Variants in NRSN1 observed in about 807,000 individuals in gnomAD.
The protein encoded by NRSN1 is neurensin 1.
NRSN1 carries 14 observed loss-of-function variants against 17.3 expected under a neutral mutation model. The observed-to-expected ratio is 0.81, with a 90% CI of 0.54 to 1.27. The LOEUF (loss-of-function observed/expected upper bound fraction) is 1.27. Ranked by LOEUF, NRSN1 falls within the 50% of genes most tolerant of loss-of-function variation. NRSN1 has a pLI of 0.00. For missense variants in NRSN1, 209 were observed against 235.9 expected (o/e 0.89, Z 0.75); for synonymous variants, 79 against 94.2 (o/e 0.84, Z 0.93).
rs544952229 is a variant in NRSN1, at chr6:24,140,916, T to C, written c.190-4632T>C. 1.2e-5 allele frequency: 15 copies of C among 1,302,910 alleles called. No homozygotes were observed. The East Asian group carries it at 4.6e-4, about 40-fold the overall frequency. The allele number at this position is 1,302,910 out of a possible 1,614,324, so 80.7% of individuals were successfully genotyped here. On this transcript the variant is annotated intron_variant, in intron 3 of 3. Coordinates refer to ENST00000378491, the MANE Select transcript of NRSN1 (RefSeq NM_080723.5). ...TTCTCTTTCCTTTCCAATTTTCCTT[T>C]CCAGCAGCAGGAACTGGGTTTTCAC...
chr6:24,134,443 C>T lies in NRSN1; in HGVS notation c.116C>T (p.Ala39Val). Reference protein sequence around the residue: ...YLHQFYEDCTASIWEYEDDFQ... With the variant: ...YLHQFYEDCTVSIWEYEDDFQ... Reference sequence around the variant, plus strand: ...CACCAGTTTTATGAGGACTGTACAGCCTCAATTTGGGAGTATGAGGATGAT... The same window carrying T: ...CACCAGTTTTATGAGGACTGTACAGTCTCAATTTGGGAGTATGAGGATGAT... The change falls in exon 3 of 4, where the codon GCC (alanine) becomes GTC (valine). Residue 39 changes from alanine (A) to valine (V), a missense_variant. Coordinates refer to ENST00000378491, the MANE Select transcript of NRSN1 (RefSeq NM_080723.5). 1 of 1,613,876 alleles carries T rather than the reference C, an allele frequency of 6.2e-7. No individual in the cohort carries two copies. Among genetic ancestry groups the T allele is most frequent in the Non-Finnish European group, 8.5e-7 (1 of 1,179,824 alleles).
At position 24,145,769 on chromosome 6, in the gene NRSN1, G is replaced by C. The variant is rs768502112; in HGVS notation, c.411G>C (p.Ser137=). Residue 137 remains serine (S), a synonymous_variant, in exon 4 of 4, where the codon TCG becomes TCC. Transcript: ENST00000378491. The surrounding 1 kb of genome is among the most constrained non-coding windows in gnomAD (Gnocchi z 4.4). ...CCATGGCAGGGTGCCTGCTGATGTC[G>C]GTGTTTGTAAAGAGCTACTCCAAAG... ...GTSMAGCLLM[S]VFVKSYSKEE... is the part of the protein sequence containing the mutation. 1 of 1,614,150 alleles carries C rather than the reference G, an allele frequency of 6.2e-7. No individual in the cohort carries two copies. The highest frequency in any genetic ancestry group is 1.3e-5 in the African/African-American group (1 of 75,038).
At chr6:24,140,864 C>G (rs1760192446) in intron 3 of NRSN1, 1 of 1,293,588 alleles carries the variant, frequency 7.7e-7, no homozygotes, top group Non-Finnish European at 9.9e-7. Context: ...TAGCCCCCAC[C>G]AGCAGAATTT....
At chr6:24,131,544 GTTAA>G (rs924396785) in intron 2 of NRSN1, among the ~76,000 whole-genome samples, 5 of 152,106 alleles carry the variant, frequency 3.3e-5, no homozygotes, top group Admixed American at 6.5e-5. Context: ...TGCTTCTTGT[GTTAA>G]TTGTCATCTT....
At chr6:24,132,307 AAACT>A (rs1415778740) in intron 2 of NRSN1, among the ~76,000 whole-genome samples, 4 of 152,200 alleles carry the variant, frequency 2.6e-5, no homozygotes, top group Admixed American at 2.6e-4. Context: ...CTATCCAATC[AAACT>A]AACTGGCCAC....
At position 24,145,210 on chromosome 6, in the gene NRSN1, G is replaced by T; in HGVS notation, c.190-338G>T. 7.0e-6 allele frequency among the ~76,000 whole-genome samples: 1 copy of T among 142,010 alleles called. No homozygotes were observed. The highest frequency in any genetic ancestry group is 1.5e-5 in the Non-Finnish European group (1 of 65,912). The allele number at this position is 142,010 out of a possible 152,430, so 93.2% of individuals were successfully genotyped here. On this transcript the variant is annotated intron_variant, in intron 3 of 3. Transcript: ENST00000378491. This position sits in a 1 kb window ranked among gnomAD's most constrained non-coding sequence, Gnocchi z 4.4. ...TTTAGCTATATATAATATATCTTTA[G>T]ATAATATAAAGATTATATATATCTT... is the stretch of plus-strand genomic sequence containing the variant.
chr6:24,139,820 G>T (rs2113715835), intron 3 of NRSN1, among the ~76,000 whole-genome samples: 1 of 152,358 alleles, frequency 6.6e-6, no homozygotes, highest in Middle Eastern at 3.4e-3. Flanking sequence ...GGACTCAGGA[G>T]CCTGAGGAGG....
chr6:24,127,294 A>G (rs1331116222), intron 1 of NRSN1, among the ~76,000 whole-genome samples: 3 of 152,186 alleles, frequency 2.0e-5, no homozygotes, highest in Non-Finnish European at 4.4e-5. Context: ...ATGGGTCTTG[A>G]CGATTTGGCT....
intron 3 of NRSN1, among the ~76,000 whole-genome samples, chr6:24,138,103 G>A (rs906709373): frequency 6.6e-6 from 1 of 152,256 alleles, no homozygotes; most frequent in Non-Finnish European, 1.5e-5. Flanking sequence ...ATTTCAGCTT[G>A]AATACAGTGA....
rs1435173624 is a variant in NRSN1 at position 24,145,233 on chromosome 6, C to A, written c.190-315C>A. Among the ~76,000 whole-genome samples, 4 of 143,688 alleles carry A rather than the reference C, an allele frequency of 2.8e-5. No homozygotes were observed. Among genetic ancestry groups the A allele is most frequent in the Admixed American group, 7.0e-5 (1 of 14,200 alleles). The allele number at this position is 143,688 out of a possible 152,430, so 94.3% of individuals were successfully genotyped here. ...TAGATAATATAAAGATTATATATAT[C>A]TTTAGATAATATAAAGATTATATAT... On this transcript the variant is annotated intron_variant, in intron 3 of 3. Coordinates refer to ENST00000378491, the MANE Select transcript of NRSN1 (RefSeq NM_080723.5). The surrounding 1 kb of genome is among the most constrained non-coding windows in gnomAD (Gnocchi z 4.4).
At chr6:24,129,409 A>C (rs1446552112) in intron 2 of NRSN1, 3 of 152,354 alleles carry the variant, frequency 2.0e-5, no homozygotes, top group Admixed American at 2.0e-4. Flanking sequence ...ACTCTGCAGG[A>C]AGTTTCAAAG....
chr6:24,140,311 C>T (rs908141458), intron 3 of NRSN1, among the ~76,000 whole-genome samples: 4 of 152,182 alleles, frequency 2.6e-5, no homozygotes, highest in African/African-American at 2.4e-5. Context: ...TGTGTTTATG[C>T]GCTGGAAGAA....
intron 3 of NRSN1, among the ~76,000 whole-genome samples, chr6:24,135,314 G>T (rs1424726263): frequency 6.6e-6 from 1 of 152,192 alleles, no homozygotes. Flanking sequence ...ATACCAGGAT[G>T]AGTTGAGGGA....
At chr6:24,142,191 C>CCTT (rs1554140616) in intron 3 of NRSN1, among the ~76,000 whole-genome samples, 1 of 44,446 alleles carries the variant, frequency 2.2e-5, no homozygotes, top group Non-Finnish European at 4.2e-5. Context: ...TACAGAACAG[C>CCTT]TTTTTTTTTT....
intron 2 of NRSN1, among the ~76,000 whole-genome samples, chr6:24,130,214 G>C (rs906964274): frequency 3.3e-5 from 5 of 152,144 alleles, no homozygotes; most frequent in East Asian, 3.8e-4. Context: ...ATGAAACCTT[G>C]ATCTTTAAGT....
chr6:24,140,430 C>A (rs1177114299), intron 3 of NRSN1, among the ~76,000 whole-genome samples: 1 of 152,192 alleles, frequency 6.6e-6, no homozygotes, highest in Non-Finnish European at 1.5e-5. Flanking sequence ...CGCCAGGCAT[C>A]GGTTCTTGCT....
Position 24,145,716 on chromosome 6 carries a change from G to T in NRSN1, c.358G>T (p.Ala120Ser). 1 of 1,614,216 alleles carries T rather than the reference G, an allele frequency of 6.2e-7. No homozygotes were observed. The highest frequency in any genetic ancestry group is 8.5e-7 in the Non-Finnish European group (1 of 1,180,022). Residue 120 changes from alanine (A) to serine (S), a missense_variant, in exon 4 of 4, where the codon GCT (alanine) becomes TCT (serine). Physicochemically the swap from Ala to Ser is moderately conservative, Grantham distance 99. Transcript: ENST00000378491. The surrounding 1 kb of genome is among the most constrained non-coding windows in gnomAD (Gnocchi z 4.4). ...SALDMYKLAG[A>S]VLFCIGGTSM... Reference sequence around the variant, plus strand: ...TCTGGACATGTACAAGCTGGCAGGAGCTGTTCTCTTCTGCATTGGAGGCAC... The same window carrying T: ...TCTGGACATGTACAAGCTGGCAGGATCTGTTCTCTTCTGCATTGGAGGCAC...
intron 2 of NRSN1, among the ~76,000 whole-genome samples, chr6:24,134,022 G>GTGTGTC (rs1760075885): frequency 6.6e-6 from 1 of 151,316 alleles, no homozygotes; most frequent in African/African-American, 2.4e-5. Flanking sequence ...GTGTGTGTGT[G>GTGTGTC]TGTGTGTGTG....
chr6:24,131,081 T>C (rs1760019959), intron 2 of NRSN1, among the ~76,000 whole-genome samples: 1 of 152,194 alleles, frequency 6.6e-6, no homozygotes, highest in Non-Finnish European at 1.5e-5. Flanking sequence ...TAAGGCGCTT[T>C]GGAATTCCTT....
Sources: allele counts gnomAD v4.1 joint callset (sites outside exome capture counted in the v4.1 genomes callset), GRCh38; gene constraint gnomAD v4.1.1; non-coding constraint Gnocchi (gnomAD v3.1); transcripts MANE v1.5; gene names NCBI Gene and HGNC (gene_info 2026-07-23, HGNC 2026-07-21).